Variants in CTNNA2 observed in about 807,000 individuals in gnomAD.
CTNNA2 encodes the protein catenin alpha 2, also known as catenin alpha-2.
CTNNA2 carries 42 observed loss-of-function variants against 101.0 expected under a neutral mutation model. The ratio of observed to expected loss-of-function variants is 0.42; its 90% CI spans 0.32 to 0.54. CTNNA2 has a LOEUF of 0.54. CTNNA2 is among the 20% of genes least tolerant of loss of function. The probability of loss-of-function intolerance (pLI) is 0.14; values close to 1 mark genes in which losing one functional copy is unlikely to be tolerated. For synonymous variants in CTNNA2, 450 were observed against 456.4 expected, an observed-to-expected ratio of 0.99 and a Z score of 0.18; for missense variants, 871 against 1,223.1, an observed-to-expected ratio of 0.71 and a Z score of 4.29.
At chr2:80,431,307 C>A (rs1681485242) in intron 9 of CTNNA2, among the ~76,000 whole-genome samples, 1 of 152,140 alleles carries the variant, frequency 6.6e-6, no homozygotes, top group African/African-American at 2.4e-5. Context: ...AACATTGGGT[C>A]CTTTGGACCT....
intron 4 of CTNNA2, among the ~76,000 whole-genome samples, chr2:79,426,896 T>A (rs562945560): frequency 6.6e-6 from 1 of 152,256 alleles, no homozygotes; most frequent in African/African-American, 2.4e-5. Flanking sequence ...CCTTAAGAGA[T>A]AAAATGTTAC....
At chr2:79,929,792 T>C (rs1687265926) in intron 7 of CTNNA2, among the ~76,000 whole-genome samples, 2 of 152,296 alleles carry the variant, frequency 1.3e-5, no homozygotes, top group South Asian at 4.1e-4. Context: ...AGGCTGGAAA[T>C]GATAATCAGT....
intron 4 of CTNNA2, among the ~76,000 whole-genome samples, chr2:79,442,469 G>A (rs1220529462): frequency 6.6e-6 from 1 of 152,006 alleles, no homozygotes; most frequent in Non-Finnish European, 1.5e-5. Context: ...TTTGAAATTT[G>A]GCATGAAGAT....
chr2:79,961,617 T>C (rs1574415953), intron 7 of CTNNA2, among the ~76,000 whole-genome samples: 1 of 151,862 alleles, frequency 6.6e-6, no homozygotes, highest in South Asian at 2.1e-4. Flanking sequence ...GGTCAGGAGA[T>C]AGAGACCATC....
chr2:80,591,633 CA>C (rs1203504073), intron 15 of CTNNA2, among the ~76,000 whole-genome samples: 1 of 151,660 alleles, frequency 6.6e-6, no homozygotes, highest in Non-Finnish European at 1.5e-5. Context: ...TCTTAAGTAC[CA>C]TTTTCTCTTA....
At chr2:80,201,146 C>CT (rs1431374115) in intron 7 of CTNNA2, among the ~76,000 whole-genome samples, 1 of 151,906 alleles carries the variant, frequency 6.6e-6, no homozygotes, top group Non-Finnish European at 1.5e-5. Flanking sequence ...TGTTATCATA[C>CT]TGAATTGTCT....
At position 80,359,791 on chromosome 2, in the gene CTNNA2, G is replaced by A. The variant is rs571113490; in HGVS notation, c.1057-33420G>A. ...CTAATATGCTGTCTTAATTATTATA[G>A]CTTTTCACTAAGTTATGAAATCTGA... On this transcript the variant is annotated intron_variant, in intron 7 of 18. Transcript: ENST00000402739. Among the ~76,000 whole-genome samples, 7 of 152,186 alleles carry A rather than the reference G, an allele frequency of 4.6e-5. 1 individual carries two copies. Among genetic ancestry groups the A allele is most frequent in the South Asian group, 4.2e-4 (2 of 4,816 alleles).
At chr2:79,368,677 C>T (rs1331363395) in intron 3 of CTNNA2, among the ~76,000 whole-genome samples, 2 of 152,128 alleles carry the variant, frequency 1.3e-5, no homozygotes, top group African/African-American at 4.8e-5. Context: ...GGAGGTGGCA[C>T]ACACACAGCG....
At chr2:79,889,483 A>G (rs541476918) in intron 6 of CTNNA2, among the ~76,000 whole-genome samples, 1 of 152,358 alleles carries the variant, frequency 6.6e-6, no homozygotes, top group African/African-American at 2.4e-5. Context: ...ACCTGGTTAC[A>G]TTGGCCATGC....
At chr2:80,368,867 G>GTGTATA (rs112571951) in intron 7 of CTNNA2, among the ~76,000 whole-genome samples, 2,486 of 144,702 alleles carry the variant, frequency 0.017, 40 homozygotes, top group South Asian at 0.054. Context: ...GTGTGTGTGT[G>GTGTATA]TATATATATA....
At chr2:80,084,641 A>C (rs1178683537) in intron 7 of CTNNA2, among the ~76,000 whole-genome samples, 3 of 152,080 alleles carry the variant, frequency 2.0e-5, no homozygotes, top group African/African-American at 7.2e-5. Context: ...TGCTTTCTAC[A>C]CACCTCCAGG....
intron 7 of CTNNA2, among the ~76,000 whole-genome samples, chr2:80,289,442 G>A (rs1675048595): frequency 6.6e-6 from 1 of 152,096 alleles, no homozygotes; most frequent in Non-Finnish European, 1.5e-5. Context: ...TACTGATTTA[G>A]TGTTCTCATT....
chr2:79,926,527 G>T (rs1438908214), intron 7 of CTNNA2, among the ~76,000 whole-genome samples: 1 of 151,952 alleles, frequency 6.6e-6, no homozygotes, highest in Non-Finnish European at 1.5e-5. Flanking sequence ...CAGTTTAGCA[G>T]AACGAATGCT....
rs529057178 is a variant in CTNNA2, at chr2:80,502,144, C to T, written c.1291-42838C>T. 5.9e-5 allele frequency among the ~76,000 whole-genome samples: 9 copies of T among 152,264 alleles called. No homozygotes were observed. The South Asian group carries it at 1.9e-3, about 32-fold the overall frequency. On this transcript the variant is annotated intron_variant, in intron 9 of 18. Coordinates refer to ENST00000402739, the MANE Select transcript of CTNNA2 (RefSeq NM_001282597.3). ...ATAGCACCATCCCTAAATATATACA[C>T]ATTAAATCAGCAGTGCTCCTCCTCA... is the stretch of plus-strand genomic sequence containing the variant.
At chr2:80,464,468 C>A (rs1193867674) in intron 9 of CTNNA2, among the ~76,000 whole-genome samples, 1 of 152,092 alleles carries the variant, frequency 6.6e-6, no homozygotes, top group Non-Finnish European at 1.5e-5. Context: ...TACCAAAGTT[C>A]TTTGTGCTTC....
chr2:79,411,304 G>A (rs1370132868), intron 4 of CTNNA2, among the ~76,000 whole-genome samples: 1 of 151,674 alleles, frequency 6.6e-6, no homozygotes, highest in Non-Finnish European at 1.5e-5. Context: ...ATTTCCTTCA[G>A]TTCTGCTCTG....
chr2:79,528,967 A>G (rs771371251), intron 1 of CTNNA2, among the ~76,000 whole-genome samples: 10 of 152,190 alleles, frequency 6.6e-5, no homozygotes, highest in Non-Finnish European at 1.2e-4. Flanking sequence ...GTAGAGGTAT[A>G]TTGGAAGTTA....
chr2:79,558,532 C>T (rs1408287510), intron 1 of CTNNA2, among the ~76,000 whole-genome samples: 1 of 151,856 alleles, frequency 6.6e-6, no homozygotes, highest in East Asian at 1.9e-4. Flanking sequence ...GGGAAGATAA[C>T]AAATGTAAAA....
chr2:79,267,884 A>G (rs1244265644), intron 2 of CTNNA2, among the ~76,000 whole-genome samples: 1 of 152,178 alleles, frequency 6.6e-6, no homozygotes, highest in Non-Finnish European at 1.5e-5. Flanking sequence ...AAGATGCCCT[A>G]TAGTATAGGA....
Sources: allele counts gnomAD v4.1 joint callset (sites outside exome capture counted in the v4.1 genomes callset), GRCh38; gene constraint gnomAD v4.1.1; transcripts MANE v1.5; gene names NCBI Gene and HGNC (gene_info 2026-07-23, HGNC 2026-07-21).